The following MED20 variants were observed in gnomAD, a reference collection of about 807,000 sequenced individuals.
MED20 encodes the protein mediator complex subunit 20, also known as mediator of RNA polymerase II transcription subunit 20.
Under a neutral mutation model 19.7 loss-of-function variants are expected in MED20, and 19 were observed. The ratio of observed to expected loss-of-function variants is 0.96; its 90% CI spans 0.67 to 1.42. The LOEUF is 1.42. Among genes scored for constraint, MED20 ranks in the 40% most tolerant of loss-of-function variants. The pLI, the probability that MED20 is intolerant of heterozygous loss-of-function variation, is 0.00. For synonymous variants in MED20, 105 were observed against 104.8 expected (o/e 1.00, Z -0.01); for missense variants, 225 against 273.0 (o/e 0.82, Z 1.24).
chr6:41,907,180 C>G lies in MED20; in HGVS notation c.531G>C (p.Gly177=). ...SHTPGAPAVF[G]NRHDAVYGPA... ...GGCCGTAGACCGCATCATGTCTGTTCCCAAACACTGCGGGAGCCCCTGGTG... is the reference window on the plus strand; with the variant it reads ...GGCCGTAGACCGCATCATGTCTGTTGCCAAACACTGCGGGAGCCCCTGGTG... The change falls in exon 4 of 4, where the codon GGG becomes GGC. Residue 177 remains glycine (G), a synonymous_variant. Transcript: ENST00000265350. The G allele has an allele frequency of 6.2e-7, 1 of 1,614,054 alleles. No homozygotes were observed. The highest frequency in any genetic ancestry group is 8.5e-7 in the Non-Finnish European group (1 of 1,180,018).
chr6:41,920,088 G>A (rs974007796), intron 1 of MED20, among the ~76,000 whole-genome samples: 7 of 152,226 alleles, frequency 4.6e-5, no homozygotes, highest in Admixed American at 3.3e-4. Context: ...TACAACTAAC[G>A]CCTCCACGAG....
chr6:41,910,418 G>A (rs920828389), intron 2 of MED20, among the ~76,000 whole-genome samples: 1 of 151,912 alleles, frequency 6.6e-6, no homozygotes, highest in African/African-American at 2.4e-5. Context: ...GATCACTTGA[G>A]GTCAGGAGTT....
At chr6:41,915,792 A>ACACACACACACACACACACACACC (rs1775301327) in intron 2 of MED20, among the ~76,000 whole-genome samples, 1 of 152,010 alleles carries the variant, frequency 6.6e-6, no homozygotes, top group Non-Finnish European at 1.5e-5. Flanking sequence ...GTCTCAAAAC[A>ACACACACACACACACACACACACC]CACACACACA....
intron 1 of MED20, among the ~76,000 whole-genome samples, chr6:41,918,624 T>C (rs531550437): frequency 3.5e-3 from 531 of 150,360 alleles, no homozygotes; most frequent in Non-Finnish European, 5.7e-3. Context: ...CCATCCTGGC[T>C]AACACGGTGA....
At chr6:41,912,053 CT>C (rs530288020) in intron 2 of MED20, among the ~76,000 whole-genome samples, 390 of 143,640 alleles carry the variant, frequency 2.7e-3, no homozygotes, top group Admixed American at 3.2e-3. Context: ...TCCTTTTCTT[CT>C]TTTTTTTTTT....
chr6:41,909,567 C>A, intron 2 of MED20, 45 bp from the exon 3 acceptor site: 1 of 1,601,136 alleles, frequency 6.2e-7, no homozygotes, highest in African/African-American at 1.3e-5. Context: ...CTTTCACTGG[C>A]AAACCCCAGA....
chr6:41,909,286 G>A lies in MED20; in HGVS notation c.406C>T (p.Arg136Trp), dbSNP rs1206225122. Residue 136 changes from arginine to tryptophan, a missense_variant, in exon 3 of 4, where the codon CGG becomes TGG. Arg to Trp is a moderately radical substitution (Grantham distance 101, BLOSUM62 -3). Coordinates refer to ENST00000265350, the MANE Select transcript of MED20 (RefSeq NM_004275.5). ...GGTCTTACCTCCACAGAGATGCCCC[G>A]GGCACTGGGCCCCATTGTGACCGTG... ...VGTVTMGPSA[R>W]GISVEVEYGP... 1.9e-6 allele frequency: 3 copies of A among 1,613,766 alleles called. No homozygotes were observed. Among genetic ancestry groups the A allele is most frequent in the Non-Finnish European group, 2.5e-6 (3 of 1,179,976 alleles).
chr6:41,914,458 T>G (rs916059571), intron 2 of MED20, among the ~76,000 whole-genome samples: 10 of 152,124 alleles, frequency 6.6e-5, no homozygotes, highest in Admixed American at 1.3e-4. Flanking sequence ...CAGTAACAGA[T>G]AGGTTGTGGG....
At chr6:41,918,995 G>A (rs1359931248) in intron 1 of MED20, among the ~76,000 whole-genome samples, 1 of 150,480 alleles carries the variant, frequency 6.6e-6, no homozygotes, top group Non-Finnish European at 1.5e-5. Flanking sequence ...CAGGCATGGT[G>A]GTGGGCGCCT....
At chr6:41,914,962 A>T (rs1402017820) in intron 2 of MED20, among the ~76,000 whole-genome samples, 1 of 152,238 alleles carries the variant, frequency 6.6e-6, no homozygotes. Flanking sequence ...TTCAGAGTGC[A>T]TAAGGATTGT....
chr6:41,914,217 G>A (rs1428007865), intron 2 of MED20, among the ~76,000 whole-genome samples: 1 of 152,186 alleles, frequency 6.6e-6, no homozygotes, highest in Non-Finnish European at 1.5e-5. Flanking sequence ...GCAGGAATGA[G>A]GGCTGCCTAG....
At chr6:41,907,324 A>C (rs1775082018) in intron 3 of MED20, 37 bp from the exon 4 acceptor site, 1 of 1,565,312 alleles carries the variant, frequency 6.4e-7, no homozygotes, top group Non-Finnish European at 8.7e-7. Flanking sequence ...GGGTGAATGA[A>C]GGCTAAGACA....
chr6:41,918,755 G>A (rs1455934695), intron 1 of MED20, among the ~76,000 whole-genome samples: 2 of 150,864 alleles, frequency 1.3e-5, no homozygotes, highest in Non-Finnish European at 3.0e-5. Context: ...AGACCATCCT[G>A]GCTAACAAGG....
chr6:41,912,765 C>G (rs1775228357), intron 2 of MED20, among the ~76,000 whole-genome samples: 1 of 152,036 alleles, frequency 6.6e-6, no homozygotes, highest in Non-Finnish European at 1.5e-5. Context: ...AAAATGAAGC[C>G]AATTGGATCC....
intron 2 of MED20, among the ~76,000 whole-genome samples, chr6:41,914,499 G>A (rs1166832758): frequency 1.3e-5 from 2 of 152,174 alleles, no homozygotes; most frequent in African/African-American, 2.4e-5. Flanking sequence ...TTAGAATGTG[G>A]CAAAGCCAGG....
At position 41,909,662 on chromosome 6, in the gene MED20, T is replaced by C. The variant is rs568775154; in HGVS notation, c.170-140A>G. 5.5e-6 allele frequency: 7 copies of C among 1,269,150 alleles called. No homozygotes were observed. In the South Asian group the frequency reaches 1.0e-4, roughly 19 times the overall value. 78.6% of individuals were successfully genotyped at this position (1,269,150 alleles called of 1,614,324 possible). On this transcript the variant is annotated intron_variant, in intron 2 of 3. Transcript: ENST00000265350. ...AGTTCTTGGTTGGGGGTGAGGGGAATCCTCTCACTGACAGCCTTTTCTAGA... is the reference window on the plus strand; with the variant it reads ...AGTTCTTGGTTGGGGGTGAGGGGAACCCTCTCACTGACAGCCTTTTCTAGA...
At chr6:41,918,953 C>CA (rs36153208) in intron 1 of MED20, among the ~76,000 whole-genome samples, 28,260 of 76,000 alleles carry the variant, frequency 0.37, 6,879 homozygotes, top group South Asian at 0.42. Context: ...GACTCCGTCT[C>CA]AAAAAAAAAA....
intron 1 of MED20, among the ~76,000 whole-genome samples, chr6:41,920,415 ACCCTGTCT>A (rs1296419555): frequency 1.3e-5 from 2 of 152,168 alleles, no homozygotes; most frequent in African/African-American, 2.4e-5. Flanking sequence ...ACTCCCTCCA[ACCCTGTCT>A]GCAGGTGGGT....
intron 2 of MED20, among the ~76,000 whole-genome samples, chr6:41,910,528 A>G (rs4714519): frequency 0.056 from 8,492 of 151,592 alleles, 415 homozygotes; most frequent in Admixed American, 0.12. Flanking sequence ...GCTACTGGGG[A>G]GGCTGAGGCA....
Sources: gnomAD v4.1 joint callset for allele counts (sites outside exome capture counted in the v4.1 genomes callset) on GRCh38, gnomAD v4.1.1 for gene constraint, MANE v1.5 for transcripts, NCBI Gene and HGNC (gene_info 2026-07-23, HGNC 2026-07-21) for gene names.